Variants in MYO15B observed in about 807,000 individuals in gnomAD.
MYO15B encodes the protein myosin XVB pseudogene.
A neutral mutation model predicts 119.3 loss-of-function variants in MYO15B; 207 were observed. The ratio of observed to expected loss-of-function variants is 1.73; its 90% CI spans 1.55 to 1.95. The LOEUF (loss-of-function observed/expected upper bound fraction) is 1.95. Among genes scored for constraint, MYO15B ranks in the 30% most tolerant of loss-of-function variants. The pLI is 0.00. For synonymous variants in MYO15B, 966 were observed against 498.9 expected, an observed-to-expected ratio of 1.94 and a Z score of -12.48; for missense variants, 2,264 against 1,203.1, an observed-to-expected ratio of 1.88 and a Z score of -13.04.
At chr17:75,596,606 G>C in intron 13 of MYO15B, 51 bp downstream of exon 13, 3 of 699,460 alleles carry the variant, frequency 4.3e-6, no homozygotes, top group Non-Finnish European at 7.8e-6. Context: ...CATTGCCCAG[G>C]CAGAGGCCAT....
At chr17:75,598,284 A>G (rs2057002914) in intron 14 of MYO15B, among the ~76,000 whole-genome samples, 1 of 151,824 alleles carries the variant, frequency 6.6e-6, no homozygotes, top group South Asian at 2.1e-4. Flanking sequence ...AGAAAAGAAA[A>G]GAAAAGAAAA....
intron 21 of MYO15B, among the ~76,000 whole-genome samples, chr17:75,607,951 T>C (rs2057764035): frequency 6.6e-6 from 1 of 152,216 alleles, no homozygotes; most frequent in Non-Finnish European, 1.5e-5. Flanking sequence ...TGCCAGTACT[T>C]ATTCTTTTCC....
At position 75,620,400 on chromosome 17, in the gene MYO15B, C is replaced by T. The variant is rs539334172; in HGVS notation, c.7555+43C>T. 3.7e-5 allele frequency: 26 copies of T among 702,800 alleles called. No individual in the cohort carries two copies. In the African/African-American group the frequency reaches 4.4e-4, roughly 12 times the overall value. The allele number at this position is 702,800 out of a possible 1,614,324, so 43.5% of individuals were successfully genotyped here. On this transcript the variant is annotated intron_variant, in intron 48 of 63. Transcript: ENST00000645453. ...CAGGGGCTCACACAGGGAGGGCATC[C>T]ACTTGGCAGAGGCTGCCCGGGGGCA...
chr17:75,620,279 A>T lies in MYO15B; in HGVS notation c.7477A>T (p.Ile2493Phe), dbSNP rs764483005. The change falls in exon 48 of 64, where the codon ATC becomes TTC. Residue 2493 changes from isoleucine (I) to phenylalanine (F), a missense_variant. Physicochemically the swap from Ile to Phe is conservative, Grantham distance 21. Transcript: ENST00000645453. ...CTATGTCATCGCCCTGCGCAGCTAC[A>T]TCACTGACAACTGCAGCCTCCTCAG... is the stretch of plus-strand genomic sequence containing the variant. 4.3e-6 allele frequency: 3 copies of T among 702,978 alleles called. No homozygotes were observed. The South Asian group carries it at 4.4e-5, about 10-fold the overall frequency. 43.5% of individuals were successfully genotyped at this position (702,978 alleles called of 1,614,324 possible).
chr17:75,624,818 G>A (rs1442802884), exon 59 of MYO15B: 1 of 702,994 alleles, frequency 1.4e-6, no homozygotes. Context: ...CAACAGCGTG[G>A]TAGTGGACCA....
chr17:75,589,893 G>T lies in MYO15B; in HGVS notation c.1836G>T (p.Gly612=), dbSNP rs2056327845. ...TCCTTGCCCCGACTGCACCCGACGG[G>T]CCTTCCCTCGACGAGAGCGGCTCCA... Residue 612 remains glycine, a synonymous_variant, in exon 1 of 64, where the codon GGG becomes GGT. Transcript: ENST00000645453. The surrounding 1 kb of genome is among the most constrained non-coding windows in gnomAD (Gnocchi z 4.2). The T allele has an allele frequency of 2.5e-6, 1 of 398,654 alleles. No homozygotes were observed. Among genetic ancestry groups the T allele is most frequent in the Non-Finnish European group, 4.4e-6 (1 of 226,000 alleles). 24.7% of individuals were successfully genotyped at this position (398,654 alleles called of 1,614,324 possible). A position where few individuals can be genotyped will look rare whatever the true frequency, so the allele number is the denominator to read the frequency against.
intron 22 of MYO15B, 127 bp from the exon 23 acceptor site, chr17:75,610,773 T>C: frequency 1.5e-6 from 1 of 665,708 alleles, no homozygotes; most frequent in Non-Finnish European, 2.7e-6. Flanking sequence ...CCCCTCCTGA[T>C]CTGTTCTCAC....
chr17:75,591,155 C>G lies in MYO15B; in HGVS notation c.2361-17C>G, dbSNP rs898595757. 1 of 702,890 alleles carries G rather than the reference C, an allele frequency of 1.4e-6. No individual in the cohort carries two copies. Among genetic ancestry groups the G allele is most frequent in the East Asian group, 2.7e-5 (1 of 37,288 alleles). The allele number at this position is 702,890 out of a possible 1,614,324, so 43.5% of individuals were successfully genotyped here. ...GTCCCAGGTCCCCATGTCTGGCAAC[C>G]TTCTCATCTCCCTCAGACACATCTT... On this transcript the variant is annotated splice_polypyrimidine_tract_variant and intron_variant, in intron 3 of 63. Transcript: ENST00000645453.
In MYO15B at chr17:75,602,879, G is replaced by C. The variant is rs60721631; in HGVS notation, c.3779G>C (p.Arg1260Pro). The C allele has an allele frequency of 0.012, 7,864 of 678,848 alleles. 451 individuals are homozygous for C. The African/African-American group carries it at 0.12, about 10-fold the overall frequency. 42.1% of individuals were successfully genotyped at this position (678,848 alleles called of 1,614,324 possible). The change falls in exon 17 of 64, where the codon CGA becomes CCA. Residue 1260 changes from arginine (R) to proline (P), a missense_variant. Transcript: ENST00000645453. ...GCAGAGCCCCAGTCCAGGGGAGGGCGAGGCAGACCCACGCTGGCCTCTCGC... is the reference window on the plus strand; with the variant it reads ...GCAGAGCCCCAGTCCAGGGGAGGGCCAGGCAGACCCACGCTGGCCTCTCGC...
Position 75,623,775 on chromosome 17 carries a change from C to T in MYO15B, c.8083-6C>T, listed in dbSNP as rs2058841842. ...CTCACCCCACCTGCCCTTCCTGTCC[C>T]CACAGCTGTGCCAGCAGGAGAAGCT... On this transcript the variant is annotated splice_polypyrimidine_tract_variant and splice_region_variant and intron_variant, in intron 53 of 63. Coordinates refer to ENST00000645453, the Ensembl canonical transcript of MYO15B. 1.4e-6 allele frequency: 1 copy of T among 703,234 alleles called. No homozygotes were observed. The highest frequency in any genetic ancestry group is 1.5e-5 in the South Asian group (1 of 67,592). The allele number at this position is 703,234 out of a possible 1,614,324, so 43.6% of individuals were successfully genotyped here. A position where few individuals can be genotyped will look rare whatever the true frequency, so the allele number is the denominator to read the frequency against.
intron 37 of MYO15B, 77 bp from the exon 38 acceptor site, chr17:75,616,235 C>T: frequency 3.4e-6 from 2 of 589,458 alleles, no homozygotes; most frequent in Admixed American, 3.2e-5. Context: ...GCTCTGCTCC[C>T]CGGAGTTGGT....
At chr17:75,603,452 T>C (rs1598784607) in intron 19 of MYO15B, 140 bp downstream of exon 19, 2 of 608,706 alleles carry the variant, frequency 3.3e-6, no homozygotes, top group East Asian at 5.5e-5. Flanking sequence ...TCTCTCCTCG[T>C]CCTCTCATCC....
rs1350389318 is a variant in MYO15B at position 75,592,233 on chromosome 17, C to T, written c.2652-5C>T. The stretch of plus-strand genomic sequence containing the variant: ...GGCACTCACACCCATCTTCTGTGCC[C>T]ACAGAGGGGTCATCGTGGGAGCCTC... On this transcript the variant is annotated splice_region_variant and splice_polypyrimidine_tract_variant and intron_variant, in intron 6 of 63. Transcript: ENST00000645453. The T allele has an allele frequency of 4.3e-6, 3 of 702,672 alleles. No homozygotes were observed. Among genetic ancestry groups the T allele is most frequent in the African/African-American group, 1.7e-5 (1 of 57,212 alleles). 43.5% of individuals were successfully genotyped at this position (702,672 alleles called of 1,614,324 possible).
rs1213630263 is a variant in MYO15B at position 75,623,931 on chromosome 17, G to A, written c.8157-18G>A. 11 of 702,866 alleles carry A rather than the reference G, an allele frequency of 1.6e-5. No homozygotes were observed. The highest frequency in any genetic ancestry group is 4.0e-5 in the Admixed American group (2 of 49,994). 43.5% of individuals were successfully genotyped at this position (702,866 alleles called of 1,614,324 possible). On this transcript the variant is annotated intron_variant, in intron 54 of 63. Transcript: ENST00000645453. ...CTGTGGCCTGGCCAGCCTGAAGCCC[G>A]AGCGCTCTGCCCTGCAGGGAACACT... is the stretch of plus-strand genomic sequence containing the variant.
chr17:75,619,749 C>T, exon 46 of MYO15B: 2 of 702,914 alleles, frequency 2.8e-6, no homozygotes, highest in Non-Finnish European at 5.2e-6. Flanking sequence ...TCAAGGTGAC[C>T]CAAGGCCCCG....
intron 53 of MYO15B, among the ~76,000 whole-genome samples, chr17:75,622,881 G>A (rs1252843971): frequency 6.6e-6 from 1 of 152,162 alleles, no homozygotes; most frequent in Non-Finnish European, 1.5e-5. Flanking sequence ...GGAGGAGTCT[G>A]GGGTTCAAGG....
exon 1 of MYO15B, chr17:75,588,159 C>G (rs2056182563): frequency 2.5e-6 from 1 of 397,932 alleles, no homozygotes; most frequent in Non-Finnish European, 4.4e-6. Flanking sequence ...ATGGCGCGCC[C>G]AGCCGGGAAC....
chr17:75,616,612 C>G (rs1298684286), exon 39 of MYO15B: 2 of 703,026 alleles, frequency 2.8e-6, no homozygotes, highest in Non-Finnish European at 5.2e-6. Flanking sequence ...CTGAGCCAGC[C>G]AAGGAGACAG....
exon 63 of MYO15B, chr17:75,626,147 G>C (rs879203854): frequency 1.4e-6 from 1 of 702,590 alleles, no homozygotes; most frequent in Non-Finnish European, 2.6e-6. Flanking sequence ...TAAGCCCTCT[G>C]GAGGAGAAGG....
Sources: gnomAD v4.1 joint callset for allele counts (sites outside exome capture counted in the v4.1 genomes callset) on GRCh38, gnomAD v4.1.1 for gene constraint, Gnocchi (gnomAD v3.1) non-coding constraint, MANE v1.5 for transcripts, NCBI Gene and HGNC (gene_info 2026-07-23, HGNC 2026-07-21) for gene names.